Variants in ARSK observed in about 807,000 individuals in gnomAD.
The protein encoded by ARSK is arylsulfatase family member K.
In ARSK, 37 loss-of-function variants were observed where a neutral mutation model predicts 53.2. The observed-to-expected ratio is 0.70, with a 90% confidence interval of 0.54 to 0.92. The LOEUF (loss-of-function observed/expected upper bound fraction) is 0.92, where lower values mean the gene tolerates loss of function less well. ARSK is among the 40% of genes least tolerant of loss of function. The pLI, the probability that ARSK is intolerant of heterozygous loss-of-function variation, is 0.00. For synonymous variants in ARSK, 208 were observed against 223.2 expected (o/e 0.93, Z 0.61); for missense variants, 613 against 643.0 (o/e 0.95, Z 0.51).
In ARSK at chr5:95,583,100, T is replaced by C. The variant is rs1301552412; in HGVS notation, c.601T>C (p.Tyr201His). The C allele has an allele frequency of 3.1e-6, 5 of 1,613,656 alleles. No individual in the cohort carries two copies. The highest frequency in any genetic ancestry group is 4.2e-6 in the Non-Finnish European group (5 of 1,179,678). The change falls in exon 4 of 8, where the codon TAC becomes CAC. Residue 201 changes from tyrosine (Y) to histidine (H), a missense_variant. By Grantham distance (83) the Tyr-to-His change is moderately conservative. Transcript: ENST00000380009. ...TAATTACACTGAACCATTTGTTATT[T>C]ACTTGGGATTAAATTTACCACACCC... is the stretch of plus-strand genomic sequence containing the variant. ...AINYTEPFVIYLGLNLPHPYP... is the reference protein window; with the variant it reads ...AINYTEPFVIHLGLNLPHPYP...
intron 2 of ARSK, among the ~76,000 whole-genome samples, chr5:95,566,595 C>T (rs1178381638): frequency 4.6e-5 from 7 of 152,044 alleles, no homozygotes; most frequent in Non-Finnish European, 2.9e-5. Flanking sequence ...TCTTTCTTTC[C>T]GTCTCAATTC....
chr5:95,595,544 A>G (rs1457469530), intron 6 of ARSK, among the ~76,000 whole-genome samples: 1 of 152,244 alleles, frequency 6.6e-6, no homozygotes, highest in East Asian at 1.9e-4. Context: ...GGAGGCCATT[A>G]TCCTAAGCAA....
At chr5:95,593,810 G>GTT (rs34910134) in intron 6 of ARSK, among the ~76,000 whole-genome samples, 46 of 151,886 alleles carry the variant, frequency 3.0e-4, no homozygotes, top group Admixed American at 7.2e-4. Flanking sequence ...GCACCTGTAG[G>GTT]TTTTTTTCCT....
intron 6 of ARSK, among the ~76,000 whole-genome samples, chr5:95,597,913 C>CGG (rs369636891): frequency 7.1e-6 from 1 of 141,534 alleles, no homozygotes; most frequent in Non-Finnish European, 1.5e-5. Context: ...AAGTGGGGGG[C>CGG]GGGTAATAGT....
At chr5:95,586,466 G>A (rs1749114301) in intron 4 of ARSK, 96 bp from the exon 5 acceptor site, 1 of 941,174 alleles carries the variant, frequency 1.1e-6, no homozygotes, top group African/African-American at 1.7e-5. Context: ...ACTATTCTAA[G>A]TAATTAAACA....
intron 3 of ARSK, among the ~76,000 whole-genome samples, chr5:95,568,554 G>T (rs1352993387): frequency 1.3e-5 from 2 of 152,136 alleles, no homozygotes; most frequent in Non-Finnish European, 2.9e-5. Flanking sequence ...TACTAGCATT[G>T]TAGTAGTCTG....
At chr5:95,579,872 C>T (rs1200100280) in intron 3 of ARSK, among the ~76,000 whole-genome samples, 1 of 152,140 alleles carries the variant, frequency 6.6e-6, no homozygotes, top group Non-Finnish European at 1.5e-5. Flanking sequence ...TGAGCTCCTA[C>T]CTGAGGATAG....
chr5:95,564,313 A>G lies in ARSK; in HGVS notation c.127-1685A>G, dbSNP rs117776864. ...TTTGTCTTCGCCTTTCTAGCTCATC[A>G]TTGAGGAAATCAGTAGTTATTTGCT... On this transcript the variant is annotated intron_variant, in intron 1 of 7. Transcript: ENST00000380009. Among the ~76,000 whole-genome samples, 4 of 152,208 alleles carry G rather than the reference A, an allele frequency of 2.6e-5. No individual in the cohort carries two copies. In the East Asian group the frequency reaches 7.7e-4, roughly 29 times the overall value.
In ARSK at chr5:95,589,267, G is replaced by A. The variant is rs1471031683; in HGVS notation, c.872-2134G>A. Among the ~76,000 whole-genome samples the A allele has an allele frequency of 3.3e-5, 5 of 152,166 alleles. No individual in the cohort carries two copies. In the South Asian group the frequency reaches 6.2e-4, roughly 19 times the overall value. Reference sequence around the variant, plus strand: ...AGAAGAACACAAGCTTCATGAGGGCGGGGACATTCTTTTATTTTTATTTTA... The same window carrying A: ...AGAAGAACACAAGCTTCATGAGGGCAGGGACATTCTTTTATTTTTATTTTA... On this transcript the variant is annotated intron_variant, in intron 5 of 7. Coordinates refer to ENST00000380009, the MANE Select transcript of ARSK (RefSeq NM_198150.3).
intron 5 of ARSK, among the ~76,000 whole-genome samples, chr5:95,587,225 C>T (rs191458445): frequency 5.2e-4 from 79 of 152,134 alleles, no homozygotes; most frequent in African/African-American, 1.8e-3. Context: ...AGAATCATAC[C>T]GAATTTTCTT....
In ARSK at chr5:95,587,575, A is replaced by T. The variant is rs139963229; in HGVS notation, c.871+842A>T. On this transcript the variant is annotated intron_variant, in intron 5 of 7. Transcript: ENST00000380009. ...ATACAGCAAGAAGCAAAAAGGCCAT[A>T]TGGACAAATTATTTATAATATAGCA... 2.1e-3 allele frequency among the ~76,000 whole-genome samples: 320 copies of T among 152,338 alleles called. 2 individuals are homozygous for T. Among genetic ancestry groups the T allele is most frequent in the Admixed American group, 0.014 (221 of 15,300 alleles).
rs756555588 is a variant in ARSK, at chr5:95,566,013, T to C, written c.142T>C (p.Phe48Leu). ...TTATTTCCAGGATGGAAGGTTAACA[T>C]TTCATCCAGGAAGTCAGGTAGTGAA... ...VSDSFDGRLT[F>L]HPGSQVVKLP... The change falls in exon 2 of 8, where the codon TTT (phenylalanine) becomes CTT (leucine). Residue 48 changes from phenylalanine (F) to leucine (L), a missense_variant. Physicochemically the swap from Phe to Leu is conservative, Grantham distance 22 (BLOSUM62 0). Transcript: ENST00000380009. 1 of 1,611,502 alleles carries C rather than the reference T, an allele frequency of 6.2e-7. No homozygotes were observed. Among genetic ancestry groups the C allele is most frequent in the Admixed American group, 1.7e-5 (1 of 59,580 alleles).
intron 4 of ARSK, among the ~76,000 whole-genome samples, chr5:95,583,999 C>G (rs1379418011): frequency 6.6e-6 from 1 of 152,194 alleles, no homozygotes; most frequent in Admixed American, 6.5e-5. Flanking sequence ...GTTCCTCTGG[C>G]TACATTTCTA....
At chr5:95,567,488 A>T (rs980515524) in intron 2 of ARSK, among the ~76,000 whole-genome samples, 1 of 152,236 alleles carries the variant, frequency 6.6e-6, no homozygotes, top group African/African-American at 2.4e-5. Context: ...AAGGACAGGG[A>T]ATAAGGGAAG....
At chr5:95,571,557 A>G (rs1196672594) in intron 3 of ARSK, among the ~76,000 whole-genome samples, 1 of 152,232 alleles carries the variant, frequency 6.6e-6, no homozygotes, top group Non-Finnish European at 1.5e-5. Flanking sequence ...ACTGTTTAAA[A>G]TTCTTTAAAT....
chr5:95,591,677 A>C, intron 6 of ARSK, 52 bp downstream of exon 6: 2 of 1,573,716 alleles, frequency 1.3e-6, no homozygotes, highest in Non-Finnish European at 1.7e-6. Flanking sequence ...TGGAGAATGC[A>C]ACTGAAGTTG....
At chr5:95,586,452 T>C (rs1358697099) in intron 4 of ARSK, 110 bp from the exon 5 acceptor site, 2 of 840,590 alleles carry the variant, frequency 2.4e-6, no homozygotes, top group Non-Finnish European at 3.8e-6. Flanking sequence ...CACTGTTCTT[T>C]TCTACTATTC....
chr5:95,566,058 A>C lies in ARSK; in HGVS notation c.187A>C (p.Met63Leu). 6.2e-7 allele frequency: 1 copy of C among 1,613,652 alleles called. No individual in the cohort carries two copies. The highest frequency in any genetic ancestry group is 8.5e-7 in the Non-Finnish European group (1 of 1,179,862). Residue 63 changes from methionine to leucine, a missense_variant, in exon 2 of 8, where the codon ATG (methionine) becomes CTG (leucine). Physicochemically the swap from Met to Leu is conservative, Grantham distance 15. Coordinates refer to ENST00000380009, the MANE Select transcript of ARSK (RefSeq NM_198150.3). ...QVVKLPFINF[M>L]KTRGTSFLNA... is the part of the protein sequence containing the mutation. ...AGTGAAACTTCCTTTTATCAACTTT[A>C]TGAAGACACGTGGGACTTCCTTTCT...
intron 6 of ARSK, among the ~76,000 whole-genome samples, chr5:95,596,594 G>T (rs1190603514): frequency 6.6e-6 from 1 of 151,998 alleles, no homozygotes. Context: ...AACACTTCTT[G>T]TATCAAAAAA....
Sources: allele counts gnomAD v4.1 joint callset (sites outside exome capture counted in the v4.1 genomes callset), GRCh38; gene constraint gnomAD v4.1.1; transcripts MANE v1.5; gene names NCBI Gene and HGNC (gene_info 2026-07-23, HGNC 2026-07-21).